The following CCDC192 variants were observed in gnomAD, a reference collection of about 807,000 sequenced individuals.
CCDC192 encodes the protein coiled-coil domain-containing protein 192.
chr5:127,823,555 C>G (rs1749394063), intron 5 of CCDC192, among the ~76,000 whole-genome samples: 1 of 152,212 alleles, frequency 6.6e-6, no homozygotes, highest in Non-Finnish European at 1.5e-5. Flanking sequence ...TGGCTAAACT[C>G]TACTAGGCCA....
intron 6 of CCDC192, among the ~76,000 whole-genome samples, chr5:127,933,067 C>T (rs1398265174): frequency 6.6e-6 from 1 of 152,144 alleles, no homozygotes; most frequent in East Asian, 1.9e-4. Context: ...GGGATAAGAA[C>T]ATGCCAGGCC....
chr5:127,895,603 G>A (rs1436742170), intron 6 of CCDC192, among the ~76,000 whole-genome samples: 2 of 152,290 alleles, frequency 1.3e-5, no homozygotes, highest in East Asian at 3.9e-4. Context: ...ACTTTGGGAG[G>A]CCGAGGTGGG....
At chr5:127,764,656 C>T (rs1440009283) in intron 3 of CCDC192, among the ~76,000 whole-genome samples, 3 of 151,954 alleles carry the variant, frequency 2.0e-5, no homozygotes, top group African/African-American at 7.3e-5. Flanking sequence ...AATCTTTTGG[C>T]TTCTCTTGGC....
At chr5:127,764,748 A>G (rs995928023) in intron 3 of CCDC192, among the ~76,000 whole-genome samples, 12 of 152,178 alleles carry the variant, frequency 7.9e-5, no homozygotes, top group Admixed American at 6.5e-4. Flanking sequence ...AAAAAAAAAA[A>G]ATTCACAAAA....
chr5:127,838,257 T>C (rs2127057892), intron 5 of CCDC192, among the ~76,000 whole-genome samples: 1 of 152,270 alleles, frequency 6.6e-6, no homozygotes, highest in East Asian at 1.9e-4. Context: ...TGAGTATTAA[T>C]AAGGACATAA....
At chr5:127,888,169 A>G (rs1752625568) in intron 6 of CCDC192, among the ~76,000 whole-genome samples, 1 of 151,990 alleles carries the variant, frequency 6.6e-6, no homozygotes, top group South Asian at 2.1e-4. Context: ...TAATCCCAGC[A>G]CGTTGGGAGG....
At chr5:127,724,807 C>T (rs1208683419) in intron 2 of CCDC192, among the ~76,000 whole-genome samples, 2 of 146,696 alleles carry the variant, frequency 1.4e-5, no homozygotes, top group African/African-American at 5.0e-5. Flanking sequence ...CGAGATAGTG[C>T]TGCTGCACTC....
chr5:127,734,361 A>G (rs1388762826), intron 2 of CCDC192, among the ~76,000 whole-genome samples: 4 of 151,896 alleles, frequency 2.6e-5, no homozygotes, highest in Non-Finnish European at 5.9e-5. Context: ...AGTCTTTGCT[A>G]TTGGGAATAA....
chr5:127,726,037 G>C (rs887482038), intron 2 of CCDC192, among the ~76,000 whole-genome samples: 5 of 151,442 alleles, frequency 3.3e-5, no homozygotes, highest in African/African-American at 1.2e-4. Flanking sequence ...ATAATTCCTA[G>C]TATAACAAAA....
chr5:127,920,503 G>A (rs1753680959), intron 6 of CCDC192, among the ~76,000 whole-genome samples: 1 of 147,980 alleles, frequency 6.8e-6, no homozygotes, highest in South Asian at 2.1e-4. Context: ...CTGCCCTCCT[G>A]GGTTCAAGCA....
intron 5 of CCDC192, among the ~76,000 whole-genome samples, chr5:127,868,753 T>G (rs1751718186): frequency 6.6e-6 from 1 of 151,136 alleles, no homozygotes; most frequent in Admixed American, 6.6e-5. Context: ...GGCGTGGCGG[T>G]GGGCGCCCAT....
chr5:127,715,369 T>A (rs1751571213), intron 2 of CCDC192, among the ~76,000 whole-genome samples: 1 of 152,262 alleles, frequency 6.6e-6, no homozygotes, highest in Non-Finnish European at 1.5e-5. Context: ...GCACCATTTA[T>A]TGAAGAGACA....
At chr5:127,891,520 C>T (rs1752731889) in intron 6 of CCDC192, among the ~76,000 whole-genome samples, 7 of 152,166 alleles carry the variant, frequency 4.6e-5, no homozygotes. Flanking sequence ...TTTAAGGTCT[C>T]TCGTTCCACC....
rs992042579 is a variant in CCDC192 at position 127,707,760 on chromosome 5, G to A, written c.114G>A (p.Ser38=). The part of the protein sequence containing the change: ...ESDIPQENKV[S]KASLDTGQMA... Reference sequence around the variant, plus strand: ...ATATACCACAAGAAAACAAAGTATCGGTAAGAAATGAAGTTTGTATGAATT... The same window carrying A: ...ATATACCACAAGAAAACAAAGTATCAGTAAGAAATGAAGTTTGTATGAATT... Residue 38 remains serine (S), a splice_region_variant and synonymous_variant, in exon 2 of 7, where the codon TCG becomes TCA. Coordinates refer to ENST00000514853, the MANE Select transcript of CCDC192 (RefSeq NM_001317938.2). The A allele has an allele frequency of 2.8e-5, 11 of 397,654 alleles. No individual in the cohort carries two copies. Among genetic ancestry groups the A allele is most frequent in the Admixed American group, 8.8e-5 (2 of 22,632 alleles). 24.6% of individuals were successfully genotyped at this position (397,654 alleles called of 1,614,324 possible).
rs935635185 is a variant in CCDC192 at position 127,754,519 on chromosome 5, G to A, written c.222+144G>A. The A allele has an allele frequency of 4.0e-5, 15 of 374,262 alleles. 1 individual carries two copies. In the South Asian group the frequency reaches 1.6e-3, roughly 41 times the overall value. The allele number at this position is 374,262 out of a possible 1,614,324, so 23.2% of individuals were successfully genotyped here. A position where few individuals can be genotyped will look rare whatever the true frequency, so the allele number is the denominator to read the frequency against. On this transcript the variant is annotated intron_variant, in intron 3 of 6. Coordinates refer to ENST00000514853, the MANE Select transcript of CCDC192 (RefSeq NM_001317938.2). The stretch of plus-strand genomic sequence containing the variant: ...TACACACACACACACACACATTGCA[G>A]TATGCCCCCCCACCCCACACACACA...
chr5:127,816,615 C>A (rs1317400239), intron 5 of CCDC192, among the ~76,000 whole-genome samples: 1 of 152,150 alleles, frequency 6.6e-6, no homozygotes, highest in Non-Finnish European at 1.5e-5. Flanking sequence ...GTACCTCTGG[C>A]TCTGTGCACT....
intron 5 of CCDC192, among the ~76,000 whole-genome samples, chr5:127,852,835 C>G (rs1364436217): frequency 6.6e-6 from 1 of 152,094 alleles, no homozygotes; most frequent in Admixed American, 6.5e-5. Context: ...TGGCTCACAC[C>G]TGTAATCCCA....
intron 6 of CCDC192, among the ~76,000 whole-genome samples, chr5:127,915,603 G>T (rs1161250769): frequency 6.6e-6 from 1 of 152,176 alleles, no homozygotes; most frequent in Non-Finnish European, 1.5e-5. Flanking sequence ...GGATGGTCTT[G>T]ATCTCCTGAC....
chr5:127,934,488 T>C (rs1754135151), intron 6 of CCDC192, among the ~76,000 whole-genome samples: 1 of 152,202 alleles, frequency 6.6e-6, no homozygotes, highest in East Asian at 1.9e-4. Flanking sequence ...GGATCCTAAA[T>C]GTTGACAGCT....
Sources: gnomAD v4.1 joint callset for allele counts (sites outside exome capture counted in the v4.1 genomes callset) on GRCh38, gnomAD v4.1.1 for gene constraint, MANE v1.5 for transcripts, NCBI Gene and HGNC (gene_info 2026-07-23, HGNC 2026-07-21) for gene names.